The following GCNT2 variants were observed in gnomAD, a reference collection of about 807,000 sequenced individuals.
The protein encoded by GCNT2 is N-acetyllactosaminide beta-1,6-N-acetylglucosaminyl-transferase.
A neutral mutation model predicts 34.2 loss-of-function variants in GCNT2; 34 were observed. The observed-to-expected ratio is 1.00, with a 90% confidence interval of 0.76 to 1.32. The LOEUF is 1.32. Ranked by LOEUF, GCNT2 falls within the 40% of genes most tolerant of loss-of-function variation. GCNT2 has a pLI of 0.00. For synonymous variants in GCNT2, 212 were observed against 188.0 expected (o/e 1.13, Z -1.04); for missense variants, 584 against 489.4 (o/e 1.19, Z -1.82).
At position 10,529,118 on chromosome 6, in the gene GCNT2, T is replaced by C; in HGVS notation, c.207T>C (p.Leu69=). ...CAGAAAATGCATTGAAAACTACCCT[T>C]GATGAAGCTACCTGCTATGAGTACA... ...YPTENALKTT[L]DEATCYEYMV... is the part of the protein sequence containing the mutation. The change falls in exon 3 of 5, where the codon CTT becomes CTC. Residue 69 remains leucine (L), a synonymous_variant. Coordinates refer to ENST00000495262, the MANE Select transcript of GCNT2 (RefSeq NM_145649.5). The C allele has an allele frequency of 6.2e-7, 1 of 1,614,110 alleles. No homozygotes were observed. The highest frequency in any genetic ancestry group is 8.5e-7 in the Non-Finnish European group (1 of 1,179,968).
intron 3 of GCNT2, among the ~76,000 whole-genome samples, chr6:10,588,397 C>T (rs193138798): frequency 1.3e-5 from 2 of 152,240 alleles, no homozygotes; most frequent in Non-Finnish European, 2.9e-5. Flanking sequence ...AGGAAGTCAT[C>T]GTGTTAGCCT....
chr6:10,626,339 C>A, intron 4 of GCNT2, 78 bp from the exon 5 acceptor site: 1 of 1,004,310 alleles, frequency 1.0e-6, no homozygotes, highest in Non-Finnish European at 1.6e-6. Flanking sequence ...TCGGAGAGTA[C>A]CTCTAGTATT....
At chr6:10,569,624 G>A (rs1011894266) in intron 3 of GCNT2, among the ~76,000 whole-genome samples, 2 of 152,188 alleles carry the variant, frequency 1.3e-5, no homozygotes, top group Non-Finnish European at 2.9e-5. Flanking sequence ...GCCCAGCCTG[G>A]GGGCAGCATC....
rs1022359223 is a variant in GCNT2 at position 10,590,614 on chromosome 6, C to T, written c.926-30737C>T. On this transcript the variant is annotated intron_variant, in intron 3 of 4. Coordinates refer to ENST00000495262, the MANE Select transcript of GCNT2 (RefSeq NM_145649.5). ...CTGTCGCCAGGCTGAAGTGCAGTGG[C>T]GCGATCTCAGCTCACTGCAACCTCC... Among the ~76,000 whole-genome samples, 5 of 150,374 alleles carry T rather than the reference C, an allele frequency of 3.3e-5. No homozygotes were observed. The East Asian group carries it at 7.9e-4, about 24-fold the overall frequency.
At chr6:10,588,269 C>T (rs1412807533) in intron 3 of GCNT2, among the ~76,000 whole-genome samples, 5 of 152,158 alleles carry the variant, frequency 3.3e-5, no homozygotes, top group South Asian at 4.1e-4. Flanking sequence ...GTGGTGAGAG[C>T]GTTAACCCTT....
chr6:10,551,078 T>C (rs1762458984), intron 3 of GCNT2, among the ~76,000 whole-genome samples: 1 of 152,248 alleles, frequency 6.6e-6, no homozygotes. Context: ...CCGTGACCTA[T>C]TTTTGGCAAC....
At chr6:10,589,086 AGT>A (rs1314492658) in intron 3 of GCNT2, among the ~76,000 whole-genome samples, 1 of 78,558 alleles carries the variant, frequency 1.3e-5, no homozygotes, top group East Asian at 4.1e-4. Context: ...GCGTGTTTGT[AGT>A]GTGGTGTGTG....
At chr6:10,588,513 G>A (rs2127415283) in intron 3 of GCNT2, among the ~76,000 whole-genome samples, 1 of 152,282 alleles carries the variant, frequency 6.6e-6, no homozygotes, top group African/African-American at 2.4e-5. Flanking sequence ...CCCTGCATTT[G>A]TGTGGCCTGA....
chr6:10,580,927 C>G (rs1764044456), intron 3 of GCNT2, among the ~76,000 whole-genome samples: 1 of 152,148 alleles, frequency 6.6e-6, no homozygotes, highest in African/African-American at 2.4e-5. Context: ...TTGTTTGTGA[C>G]CGTAAAAGTT....
intron 3 of GCNT2, chr6:10,573,329 A>G (rs896075924): frequency 6.2e-6 from 6 of 968,214 alleles, no homozygotes; most frequent in Non-Finnish European, 7.3e-6. Flanking sequence ...GTCAAAGATA[A>G]AGTTTTCATT....
chr6:10,555,722 C>T, intron 3 of GCNT2: 1 of 985,346 alleles, frequency 1.0e-6, no homozygotes, highest in Non-Finnish European at 1.2e-6. Flanking sequence ...CTCCAGTAAG[C>T]TCTTGTTTTG....
At chr6:10,596,296 G>T (rs1248941341) in intron 3 of GCNT2, among the ~76,000 whole-genome samples, 1 of 152,080 alleles carries the variant, frequency 6.6e-6, no homozygotes, top group Admixed American at 6.6e-5. Flanking sequence ...GGCCTAGGCG[G>T]GTGGATCACT....
chr6:10,598,926 A>G (rs1383108348), intron 3 of GCNT2, among the ~76,000 whole-genome samples: 2 of 152,250 alleles, frequency 1.3e-5, no homozygotes, highest in East Asian at 3.8e-4. Flanking sequence ...GTATGAATAC[A>G]TATCAAGTGC....
intron 3 of GCNT2, among the ~76,000 whole-genome samples, chr6:10,537,175 C>G (rs1761801074): frequency 6.6e-6 from 1 of 152,172 alleles, no homozygotes; most frequent in South Asian, 2.1e-4. Flanking sequence ...TTAATCACTT[C>G]CCTAGAAGAA....
At chr6:10,602,017 G>A (rs998554128) in intron 3 of GCNT2, among the ~76,000 whole-genome samples, 9 of 151,734 alleles carry the variant, frequency 5.9e-5, no homozygotes, top group African/African-American at 2.2e-4. Flanking sequence ...AACTGCCACT[G>A]CAGTCCCTAA....
chr6:10,585,032 AGTGTGTGTGTGTGTGTGTGTGTGTGT>A (rs57538079), intron 3 of GCNT2, among the ~76,000 whole-genome samples: 2 of 127,534 alleles, frequency 1.6e-5, no homozygotes, highest in Admixed American at 7.7e-5. Context: ...TCCCATAGTC[AGTGTGTGTGTGTGTGTGTGTGTGTGT>A]GTGTGTGTGT....
chr6:10,581,478 C>A (rs1426250556), intron 3 of GCNT2, among the ~76,000 whole-genome samples: 1 of 152,106 alleles, frequency 6.6e-6, no homozygotes, highest in Non-Finnish European at 1.5e-5. Flanking sequence ...CCATGATGGT[C>A]AGGCTGGTCT....
intron 3 of GCNT2, among the ~76,000 whole-genome samples, chr6:10,600,158 C>G (rs1581467663): frequency 1.3e-5 from 2 of 152,108 alleles, no homozygotes; most frequent in Admixed American, 6.5e-5. Flanking sequence ...TCTGAAATGT[C>G]ATAGATATCT....
At chr6:10,589,082 TTGTAGTGTGGTGTGTG>T (rs1314760368) in intron 3 of GCNT2, among the ~76,000 whole-genome samples, 2 of 132,876 alleles carry the variant, frequency 1.5e-5, no homozygotes, top group African/African-American at 5.6e-5. Context: ...TGTGGCGTGT[TTGTAGTGTGGTGTGTG>T]TGTAGTGTGT....
Sources: gnomAD v4.1 joint callset for allele counts (sites outside exome capture counted in the v4.1 genomes callset) on GRCh38, gnomAD v4.1.1 for gene constraint, MANE v1.5 for transcripts, NCBI Gene and HGNC (gene_info 2026-07-23, HGNC 2026-07-21) for gene names.